The following USH2A variants were observed in gnomAD, a reference collection of about 807,000 sequenced individuals.
The protein encoded by USH2A is usherin, also known as Usher syndrome 2A (autosomal recessive, mild).
Under a neutral mutation model 538.9 loss-of-function variants are expected in USH2A, and 443 were observed. The ratio of observed to expected loss-of-function variants is 0.82; its 90% CI spans 0.76 to 0.89. The LOEUF (loss-of-function observed/expected upper bound fraction) is 0.89, where lower values mean the gene tolerates loss of function less well. Among genes scored for constraint, USH2A ranks in the 40% least tolerant of loss-of-function variants. The pLI, the probability that USH2A is intolerant of heterozygous loss-of-function variation, is 0.00. For missense variants in USH2A, 6,633 were observed against 6,324.8 expected (o/e 1.05, Z -1.65); for synonymous variants, 2,413 against 2,273.5 (o/e 1.06, Z -1.75).
At chr1:215,800,043 T>G (rs1571698634) in intron 49 of USH2A, among the ~76,000 whole-genome samples, 2 of 152,066 alleles carry the variant, frequency 1.3e-5, no homozygotes, top group Admixed American at 6.6e-5. Flanking sequence ...GCCTGGTACC[T>G]TAAAATCAAA....
At chr1:215,911,717 G>T (rs1220914575) in intron 38 of USH2A, among the ~76,000 whole-genome samples, 1 of 152,014 alleles carries the variant, frequency 6.6e-6, no homozygotes, top group Non-Finnish European at 1.5e-5. Flanking sequence ...TCTTTTGGGT[G>T]TATGCCCAGC....
chr1:216,073,125 A>C lies in USH2A; in HGVS notation c.5748T>G (p.Val1916=), dbSNP rs894534861. The change falls in exon 28 of 72, where the codon GTT becomes GTG. Residue 1916 remains valine (V), a synonymous_variant. Transcript: ENST00000307340. Reference sequence around the variant, plus strand: ...TAAAAGGCTGGAGACCACCCTCGTAAACACTCTGCTCTTTTCCCTGGTAAA... The same window carrying C: ...TAAAAGGCTGGAGACCACCCTCGTACACACTCTGCTCTTTTCCCTGGTAAA... The part of the protein sequence containing the change: ...ILVYQGKEQS[V]YEGGLQPFTE... 2 of 1,613,848 alleles carry C rather than the reference A, an allele frequency of 1.2e-6. No individual in the cohort carries two copies. Among genetic ancestry groups the C allele is most frequent in the Non-Finnish European group, 1.7e-6 (2 of 1,179,948 alleles).
rs138386444 is a variant in USH2A at position 215,990,231 on chromosome 1, G to A, written c.6805+2789C>T. Among the ~76,000 whole-genome samples the A allele has an allele frequency of 9.2e-3, 1,407 of 152,180 alleles. 20 individuals carry two copies. Among genetic ancestry groups the A allele is most frequent in the African/African-American group, 0.032 (1,326 of 41,506 alleles). ...AATTCTTTGGTCAAATGCAAGATCGGTATTCTCAAAAGAGAAACCCAGCCT... is the reference window on the plus strand; with the variant it reads ...AATTCTTTGGTCAAATGCAAGATCGATATTCTCAAAAGAGAAACCCAGCCT... On this transcript the variant is annotated intron_variant, in intron 35 of 71. Transcript: ENST00000307340.
chr1:216,224,789 G>C (rs2035528532), intron 14 of USH2A, among the ~76,000 whole-genome samples: 1 of 152,092 alleles, frequency 6.6e-6, no homozygotes, highest in African/African-American at 2.4e-5. Context: ...TGTGAACCAG[G>C]CAGATAAGGA....
At position 216,422,047 on chromosome 1, in the gene USH2A, T is replaced by C; in HGVS notation, c.290A>G (p.Tyr97Cys). The change falls in exon 2 of 72, where the codon TAC (tyrosine) becomes TGC (cysteine). Residue 97 changes from tyrosine (Y) to cysteine (C), a missense_variant. Coordinates refer to ENST00000307340, the MANE Select transcript of USH2A (RefSeq NM_206933.4). ...GAGGCCTGCTGAGAAAAGGGCAGTG[T>C]AGGTAGGGTGTGAAGATCTGTATGG... is the stretch of plus-strand genomic sequence containing the variant. ...DCPYRSSHPTYTALFSAGLSS... is the reference protein window; with the variant it reads ...DCPYRSSHPTCTALFSAGLSS... 3 of 1,613,822 alleles carry C rather than the reference T, an allele frequency of 1.9e-6. No homozygotes were observed. The highest frequency in any genetic ancestry group is 2.5e-6 in the Non-Finnish European group (3 of 1,179,902).
chr1:216,322,436 C>G (rs1394925023), intron 8 of USH2A, among the ~76,000 whole-genome samples: 3 of 151,524 alleles, frequency 2.0e-5, no homozygotes, highest in African/African-American at 7.3e-5. Context: ...AACCCCATCT[C>G]TACAAAAAGT....
Position 216,072,904 on chromosome 1 carries a change from G to C in USH2A, c.5842C>G (p.Arg1948Gly). 1.9e-6 allele frequency: 3 copies of C among 1,613,690 alleles called. No homozygotes were observed. The highest frequency in any genetic ancestry group is 2.5e-6 in the Non-Finnish European group (3 of 1,179,792). ...AAGTATTTACCTGCTCCTGTTGTAC[G>C]TCCTCGACTCCAATCACTATATACT... is the stretch of plus-strand genomic sequence containing the variant. ...GSVYSDWSRG[R>G]TTGAAPQSVP... is the part of the protein sequence containing the mutation. The change falls in exon 29 of 72, where the codon CGT (arginine) becomes GGT (glycine). Residue 1948 changes from arginine to glycine, a missense_variant. By Grantham distance (125) the Arg-to-Gly change is moderately radical. Coordinates refer to ENST00000307340, the MANE Select transcript of USH2A (RefSeq NM_206933.4).
intron 9 of USH2A, among the ~76,000 whole-genome samples, chr1:216,314,171 G>C (rs923096185): frequency 1.3e-5 from 2 of 151,730 alleles, no homozygotes; most frequent in Admixed American, 1.3e-4. Context: ...ATCTCTATTT[G>C]CTTCTTCTGT....
chr1:216,097,679 T>C (rs1012222045), intron 21 of USH2A, among the ~76,000 whole-genome samples: 12 of 152,204 alleles, frequency 7.9e-5, no homozygotes, highest in Non-Finnish European at 1.3e-4. Flanking sequence ...CCTATAGAGG[T>C]AATTTCCTGA....
At chr1:216,121,209 C>T (rs977660838) in intron 21 of USH2A, among the ~76,000 whole-genome samples, 4 of 134,156 alleles carry the variant, frequency 3.0e-5, no homozygotes, top group Non-Finnish European at 6.5e-5. Flanking sequence ...AAATTGTTTC[C>T]AATGTAAGAC....
chr1:216,153,955 G>A (rs1212058381), intron 21 of USH2A, among the ~76,000 whole-genome samples: 6 of 152,138 alleles, frequency 3.9e-5, no homozygotes, highest in African/African-American at 1.4e-4. Context: ...TTATAAGTAT[G>A]CAGAAGAAAT....
intron 4 of USH2A, among the ~76,000 whole-genome samples, chr1:216,355,066 G>T (rs928650775): frequency 6.6e-6 from 1 of 152,038 alleles, no homozygotes; most frequent in Non-Finnish European, 1.5e-5. Flanking sequence ...CCAGCACTTT[G>T]GGAGGCTGAG....
intron 4 of USH2A, among the ~76,000 whole-genome samples, chr1:216,338,912 G>A (rs2038024043): frequency 6.6e-6 from 1 of 151,616 alleles, no homozygotes; most frequent in East Asian, 1.9e-4. Flanking sequence ...TATTTTACCT[G>A]TTGCCATAGG....
chr1:216,128,160 C>T (rs1026642868), intron 21 of USH2A, among the ~76,000 whole-genome samples: 3 of 152,122 alleles, frequency 2.0e-5, no homozygotes, highest in African/African-American at 7.2e-5. Flanking sequence ...GTATTCTTCA[C>T]TTGTCTTGTT....
rs906504929 is a variant in USH2A at position 216,058,418 on chromosome 1, G to C, written c.6050-9771C>G. Among the ~76,000 whole-genome samples, 20 of 148,554 alleles carry C rather than the reference G, an allele frequency of 1.3e-4. 2 individuals carry two copies. Among genetic ancestry groups the C allele is most frequent in the African/African-American group, 5.1e-4 (20 of 39,282 alleles). On this transcript the variant is annotated intron_variant, in intron 30 of 71. Coordinates refer to ENST00000307340, the MANE Select transcript of USH2A (RefSeq NM_206933.4). Reference sequence around the variant, plus strand: ...TATAAAAATCATGTTACAATGATAGGGCCTAGCACTAGCATGGAACGTGGT... The same window carrying C: ...TATAAAAATCATGTTACAATGATAGCGCCTAGCACTAGCATGGAACGTGGT...
At chr1:216,173,306 TG>T (rs2034308130) in intron 21 of USH2A, among the ~76,000 whole-genome samples, 1 of 152,062 alleles carries the variant, frequency 6.6e-6, no homozygotes, top group Non-Finnish European at 1.5e-5. Context: ...AGTATATACA[TG>T]GTTATATTAA....
intron 56 of USH2A, among the ~76,000 whole-genome samples, chr1:215,766,100 T>A (rs968114608): frequency 2.6e-5 from 4 of 152,194 alleles, no homozygotes; most frequent in African/African-American, 9.7e-5. Context: ...TCCAACTGTG[T>A]CTGGTTGTAC....
intron 47 of USH2A, among the ~76,000 whole-genome samples, chr1:215,836,371 A>G (rs1663482999): frequency 7.2e-6 from 1 of 139,582 alleles, no homozygotes; most frequent in South Asian, 2.3e-4. Context: ...TTAGGGGAGT[A>G]TCTTCCCCAG....
intron 44 of USH2A, among the ~76,000 whole-genome samples, chr1:215,860,970 C>A (rs1019714557): frequency 1.3e-5 from 2 of 152,192 alleles, no homozygotes; most frequent in African/African-American, 4.8e-5. Flanking sequence ...CTCTGCGTCA[C>A]CAACTAAGCA....
Sources: gnomAD v4.1 joint callset for allele counts (sites outside exome capture counted in the v4.1 genomes callset) on GRCh38, gnomAD v4.1.1 for gene constraint, MANE v1.5 for transcripts, NCBI Gene and HGNC (gene_info 2026-07-23, HGNC 2026-07-21) for gene names.